The following SCMH1 variants were observed in gnomAD, a reference collection of about 807,000 sequenced individuals.
The protein encoded by SCMH1 is Scm polycomb group protein homolog 1, also known as polycomb protein SCMH1.
A neutral mutation model predicts 70.8 loss-of-function variants in SCMH1; 37 were observed. The ratio of observed to expected loss-of-function variants is 0.52; its 90% CI spans 0.40 to 0.69. SCMH1 has a LOEUF of 0.69. Among genes scored for constraint, SCMH1 ranks in the 30% least tolerant of loss-of-function variants. SCMH1 has a pLI of 0.00. For missense variants in SCMH1, 607 were observed against 827.3 expected (o/e 0.73, Z 3.27); for synonymous variants, 292 against 307.4 (o/e 0.95, Z 0.52).
At chr1:41,072,387 C>T (rs145411577) in intron 9 of SCMH1, among the ~76,000 whole-genome samples, 7 of 152,282 alleles carry the variant, frequency 4.6e-5, no homozygotes, top group Non-Finnish European at 1.0e-4. Context: ...GGTACATGTA[C>T]AATATTATAT....
chr1:41,235,146 T>C (rs921195009), intron 1 of SCMH1, among the ~76,000 whole-genome samples: 2 of 152,172 alleles, frequency 1.3e-5, no homozygotes, highest in East Asian at 1.9e-4. Flanking sequence ...AATCTGCCTA[T>C]ATTAAATCAT....
chr1:41,225,587 T>C (rs564571525), intron 1 of SCMH1, among the ~76,000 whole-genome samples: 20 of 152,126 alleles, frequency 1.3e-4, no homozygotes, highest in Admixed American at 2.0e-4. Flanking sequence ...ACCAATTCCA[T>C]CCAAAGGAAT....
At chr1:41,028,125 G>A in exon 15 of SCMH1, 10 of 1,596,868 alleles carry the variant, frequency 6.3e-6, no homozygotes, top group Non-Finnish European at 8.6e-6. Flanking sequence ...GGGGTGGGCT[G>A]ATGCCCCTCA....
intron 6 of SCMH1, among the ~76,000 whole-genome samples, chr1:41,128,335 C>T (rs982731627): frequency 6.6e-6 from 1 of 152,126 alleles, no homozygotes; most frequent in African/African-American, 2.4e-5. Context: ...CTTAACCTTT[C>T]TTGTAGTACT....
At chr1:41,136,548 A>G (rs147394061) in intron 6 of SCMH1, among the ~76,000 whole-genome samples, 2 of 151,396 alleles carry the variant, frequency 1.3e-5, no homozygotes, top group African/African-American at 4.8e-5. Flanking sequence ...TAATTTTTGT[A>G]TTTTTAGTAG....
At chr1:41,122,522 TATTGA>T (rs1048015520) in intron 6 of SCMH1, among the ~76,000 whole-genome samples, 3 of 152,252 alleles carry the variant, frequency 2.0e-5, no homozygotes, top group Non-Finnish European at 4.4e-5. Flanking sequence ...TTGATAGTTT[TATTGA>T]ATTAAGGAAA....
At chr1:41,230,334 G>C (rs902492726) in intron 1 of SCMH1, among the ~76,000 whole-genome samples, 1 of 152,120 alleles carries the variant, frequency 6.6e-6, no homozygotes. Context: ...TAGTCCTAAG[G>C]GGTATCAGCA....
chr1:41,078,153 A>T (rs1658933750), intron 8 of SCMH1, among the ~76,000 whole-genome samples: 1 of 152,172 alleles, frequency 6.6e-6, no homozygotes, highest in African/African-American at 2.4e-5. Context: ...GAGCCAATAG[A>T]AAGGATTAAT....
intron 10 of SCMH1, among the ~76,000 whole-genome samples, chr1:41,065,078 T>C (rs778869396): frequency 1.3e-5 from 2 of 152,262 alleles, no homozygotes; most frequent in African/African-American, 2.4e-5. Context: ...AGATATTTTG[T>C]GTTCATGGAT....
intron 8 of SCMH1, among the ~76,000 whole-genome samples, chr1:41,103,753 G>A (rs1177930539): frequency 6.6e-6 from 1 of 152,204 alleles, no homozygotes; most frequent in Non-Finnish European, 1.5e-5. Context: ...TGGAGTTTGT[G>A]AGGGCAAGAG....
chr1:41,221,821 G>A (rs975467589), intron 1 of SCMH1, among the ~76,000 whole-genome samples: 1 of 144,396 alleles, frequency 6.9e-6, no homozygotes, highest in African/African-American at 2.6e-5. Context: ...AAACCCGGGA[G>A]GCAGAGGTTG....
At chr1:41,231,578 A>AT (rs1275062524) in intron 1 of SCMH1, among the ~76,000 whole-genome samples, 2 of 152,016 alleles carry the variant, frequency 1.3e-5, no homozygotes, top group African/African-American at 4.8e-5. Flanking sequence ...GACTTCCCTA[A>AT]TTTTTACCTG....
rs371816749 is a variant in SCMH1, at chr1:41,159,626, T to C, written c.106+1249A>G. The C allele has an allele frequency of 1.5e-5, 20 of 1,324,284 alleles. No individual in the cohort carries two copies. In the African/African-American group the frequency reaches 1.8e-4, roughly 12 times the overall value. The allele number at this position is 1,324,284 out of a possible 1,614,324, so 82.0% of individuals were successfully genotyped here. On this transcript the variant is annotated intron_variant, in intron 4 of 14. Coordinates refer to ENST00000337495, the Ensembl canonical transcript of SCMH1. ...TCAAATTGTCTGACTCCTATGTCCATGTTTTTTCTACCACACATCAGTACC... is the reference window on the plus strand; with the variant it reads ...TCAAATTGTCTGACTCCTATGTCCACGTTTTTTCTACCACACATCAGTACC...
chr1:41,107,559 CA>C (rs1353670689), intron 8 of SCMH1, among the ~76,000 whole-genome samples: 1 of 152,020 alleles, frequency 6.6e-6, no homozygotes, highest in South Asian at 2.1e-4. Flanking sequence ...CTTGCTCTGT[CA>C]CCAGGCTGGA....
intron 6 of SCMH1, 57 bp downstream of exon 6, chr1:41,142,821 T>G (rs1292718511): frequency 1.4e-6 from 2 of 1,453,240 alleles, no homozygotes; most frequent in Non-Finnish European, 1.9e-6. Flanking sequence ...GGATGTTCAG[T>G]TTTTGGACGC....
intron 2 of SCMH1, 118 bp downstream of exon 2, chr1:41,186,003 T>G (rs1650104477): frequency 9.2e-7 from 1 of 1,081,864 alleles, no homozygotes; most frequent in Non-Finnish European, 1.3e-6. Flanking sequence ...AATGACATCA[T>G]GGCTATAAAG....
intron 1 of SCMH1, among the ~76,000 whole-genome samples, chr1:41,227,003 A>C (rs2148880278): frequency 6.6e-6 from 1 of 152,352 alleles, no homozygotes. Context: ...GGTGGTGCAT[A>C]GAAAGCAGAT....
At chr1:41,059,418 A>C (rs2148794341) in intron 10 of SCMH1, among the ~76,000 whole-genome samples, 1 of 152,304 alleles carries the variant, frequency 6.6e-6, no homozygotes, top group South Asian at 2.1e-4. Context: ...GCATCTGAAC[A>C]CTGAGAGGAG....
chr1:41,058,103 A>C (rs983198117), intron 10 of SCMH1, among the ~76,000 whole-genome samples: 1 of 148,938 alleles, frequency 6.7e-6, no homozygotes, highest in African/African-American at 2.5e-5. Flanking sequence ...CCTGAGAGAC[A>C]GAGGGAGATT....
Sources: gnomAD v4.1 joint callset for allele counts (sites outside exome capture counted in the v4.1 genomes callset) on GRCh38, gnomAD v4.1.1 for gene constraint, MANE v1.5 for transcripts, NCBI Gene and HGNC (gene_info 2026-07-23, HGNC 2026-07-21) for gene names.